FRMD4A: variants seen among roughly 807,000 people sequenced by gnomAD.
FRMD4A encodes FERM domain-containing protein 4A.
In FRMD4A, 29 loss-of-function variants were observed where a neutral mutation model predicts 129.1. That is an observed-to-expected ratio of 0.22 (90% CI 0.17 to 0.31). The LOEUF is 0.31. Ranked by LOEUF, FRMD4A falls within the 10% of genes least tolerant of loss-of-function variation. The probability of loss-of-function intolerance (pLI) is 1.00; values close to 1 mark genes in which losing one functional copy is unlikely to be tolerated. For missense variants in FRMD4A, 1,272 were observed against 1,375.8 expected, an observed-to-expected ratio of 0.92 and a Z score of 1.19; for synonymous variants, 634 against 571.6, an observed-to-expected ratio of 1.11 and a Z score of -1.56.
chr10:14,223,802 T>C (rs1168472102), intron 2 of FRMD4A, among the ~76,000 whole-genome samples: 1 of 134,518 alleles, frequency 7.4e-6, no homozygotes, highest in Admixed American at 7.5e-5. Context: ...TAAAGCCAAA[T>C]GCAACATATG....
chr10:14,167,781 G>T (rs982455830), intron 2 of FRMD4A, among the ~76,000 whole-genome samples: 4 of 152,088 alleles, frequency 2.6e-5, no homozygotes, highest in Non-Finnish European at 4.4e-5. Context: ...AGTCAGCAGG[G>T]TAGACAGACA....
intron 2 of FRMD4A, among the ~76,000 whole-genome samples, chr10:13,894,181 A>G (rs907575730): frequency 6.6e-6 from 1 of 152,172 alleles, no homozygotes; most frequent in African/African-American, 2.4e-5. Context: ...CTCAGGCCAC[A>G]TCATCTTTCA....
intron 3 of FRMD4A, among the ~76,000 whole-genome samples, chr10:13,839,554 T>C (rs779642562): frequency 6.6e-6 from 1 of 152,190 alleles, no homozygotes; most frequent in Non-Finnish European, 1.5e-5. Context: ...TTGGGTACCA[T>C]TGGCGTCCTC....
At position 13,656,765 on chromosome 10, in the gene FRMD4A, G is replaced by T; in HGVS notation, c.2824C>A (p.His942Asn). 1 of 1,598,898 alleles carries T rather than the reference G, an allele frequency of 6.3e-7. No homozygotes were observed. The highest frequency in any genetic ancestry group is 8.5e-7 in the Non-Finnish European group (1 of 1,173,950). The change falls in exon 22 of 25, where the codon CAC (histidine) becomes AAC (asparagine). Residue 942 changes from histidine (H) to asparagine (N), a missense_variant. By Grantham distance (68) the His-to-Asn change is moderately conservative. This residue lies in a region of FRMD4A where 972 missense variants were observed against 892.3 expected (regional missense o/e 1.09). Coordinates refer to ENST00000357447, the MANE Select transcript of FRMD4A (RefSeq NM_018027.5). ...GAGCTGGTGTGCGACAGGCGGCTGT[G>T]CTCCTTGTGCGAGGCGGTGGAACGC... ...YQRSTASHKE[H>N]SRLSHTSSTS... is the part of the protein sequence containing the mutation.
intron 9 of FRMD4A, chr10:13,744,469 A>G (rs1280557340): frequency 6.6e-6 from 1 of 150,658 alleles, no homozygotes; most frequent in Non-Finnish European, 1.5e-5. Context: ...CTTTTTAATG[A>G]CATAATGTGA....
At chr10:13,902,932 G>T (rs2094838616) in intron 2 of FRMD4A, among the ~76,000 whole-genome samples, 1 of 151,864 alleles carries the variant, frequency 6.6e-6, no homozygotes, top group Non-Finnish European at 1.5e-5. Context: ...CTTAGCTTGG[G>T]TTAGGGTGTA....
chr10:13,771,796 C>T (rs1281605848), intron 6 of FRMD4A, among the ~76,000 whole-genome samples: 1 of 151,992 alleles, frequency 6.6e-6, no homozygotes, highest in African/African-American at 2.4e-5. Context: ...GAGTGCATTG[C>T]CAGCTGGGTG....
chr10:13,989,427 C>A (rs942703882), intron 2 of FRMD4A, among the ~76,000 whole-genome samples: 1 of 152,116 alleles, frequency 6.6e-6, no homozygotes, highest in African/African-American at 2.4e-5. Context: ...GCCATCTTGG[C>A]TCACTGCAAC....
intron 2 of FRMD4A, among the ~76,000 whole-genome samples, chr10:14,242,957 T>A (rs932134092): frequency 1.3e-5 from 2 of 152,236 alleles, no homozygotes; most frequent in African/African-American, 4.8e-5. Context: ...GAAGCATTAT[T>A]TATAAAGGGT....
At chr10:13,965,140 T>A (rs1281480712) in intron 2 of FRMD4A, among the ~76,000 whole-genome samples, 2 of 151,358 alleles carry the variant, frequency 1.3e-5, no homozygotes, top group Non-Finnish European at 2.9e-5. Context: ...GAGGAATATA[T>A]TTGAGGTCCA....
intron 2 of FRMD4A, among the ~76,000 whole-genome samples, chr10:14,251,620 TA>T (rs1844443905): frequency 1.3e-5 from 2 of 152,204 alleles, no homozygotes; most frequent in South Asian, 4.1e-4. Context: ...AGATAACTAA[TA>T]CAGACTCCAA....
At chr10:14,051,883 T>G (rs761038089) in intron 2 of FRMD4A, among the ~76,000 whole-genome samples, 2 of 152,212 alleles carry the variant, frequency 1.3e-5, no homozygotes, top group Non-Finnish European at 2.9e-5. Context: ...CATCCTGAAT[T>G]GAATAGTGTC....
intron 2 of FRMD4A, among the ~76,000 whole-genome samples, chr10:14,089,630 C>CAAAAAAAAAAA (rs59553317): frequency 2.3e-5 from 3 of 130,800 alleles, no homozygotes; most frequent in African/African-American, 9.0e-5. Flanking sequence ...AAAAAAAAAA[C>CAAAAAAAAAAA]AAAAAAAAAC....
chr10:14,199,382 A>G (rs1213919076), intron 2 of FRMD4A, among the ~76,000 whole-genome samples: 1 of 148,432 alleles, frequency 6.7e-6, no homozygotes, highest in Non-Finnish European at 1.5e-5. Flanking sequence ...CAGTGGCGTG[A>G]TCTCAACTCA....
intron 2 of FRMD4A, among the ~76,000 whole-genome samples, chr10:13,941,273 C>T (rs2095290047): frequency 6.6e-6 from 1 of 152,088 alleles, no homozygotes; most frequent in African/African-American, 2.4e-5. Context: ...GGGGAAACCC[C>T]TTTTGCTTGG....
chr10:13,659,549 G>A, intron 20 of FRMD4A, 59 bp from the exon 21 acceptor site: 1 of 1,530,024 alleles, frequency 6.5e-7, no homozygotes, highest in Non-Finnish European at 8.9e-7. Context: ...TTCCTGGGGG[G>A]CTGGCTAGTT....
chr10:13,674,034 C>T (rs1385067306), intron 16 of FRMD4A, among the ~76,000 whole-genome samples: 1 of 152,032 alleles, frequency 6.6e-6, no homozygotes, highest in Non-Finnish European at 1.5e-5. Flanking sequence ...TCCCAAAGTG[C>T]TAGTATTACA....
intron 2 of FRMD4A, among the ~76,000 whole-genome samples, chr10:14,089,645 A>AC (rs1379495254): frequency 5.2e-5 from 7 of 133,738 alleles, no homozygotes; most frequent in East Asian, 7.4e-4. Flanking sequence ...AAAAACAAAC[A>AC]AAAAAAAAAC....
rs1156606252 is a variant in FRMD4A, at chr10:13,663,312, G to C, written c.1660+141C>G. 3 of 624,228 alleles carry C rather than the reference G, an allele frequency of 4.8e-6. No homozygotes were observed. In the African/African-American group the frequency reaches 5.6e-5, roughly 12 times the overall value. 38.7% of individuals were successfully genotyped at this position (624,228 alleles called of 1,614,324 possible). A position where few individuals can be genotyped will look rare whatever the true frequency, so the allele number is the denominator to read the frequency against. The stretch of plus-strand genomic sequence containing the variant: ...TCCCAACCAAAGAGGTGAATACTGG[G>C]AAATGAGAGAGCTTGCAGGGAGCCC... On this transcript the variant is annotated intron_variant, in intron 19 of 24. Transcript: ENST00000357447.
Sources: allele counts gnomAD v4.1 joint callset (sites outside exome capture counted in the v4.1 genomes callset), GRCh38; gene constraint gnomAD v4.1.1; regional missense constraint gnomAD v4.1.1; transcripts MANE v1.5; gene names NCBI Gene and HGNC (gene_info 2026-07-23, HGNC 2026-07-21).